UCK2: variants seen among roughly 807,000 people sequenced by gnomAD.
UCK2 encodes cytidine monophosphokinase 2.
In UCK2, 6 loss-of-function variants were observed where a neutral mutation model predicts 30.8. The ratio of observed to expected loss-of-function variants is 0.19; its 90% CI spans 0.11 to 0.38. UCK2 has a LOEUF of 0.38. Ranked by LOEUF, UCK2 falls within the 10% of genes least tolerant of loss-of-function variation. The pLI is 1.00. For missense variants in UCK2, 210 were observed against 339.8 expected (o/e 0.62, Z 3.00); for synonymous variants, 125 against 133.6 (o/e 0.94, Z 0.45).
chr1:165,838,431 C>T (rs371014097), intron 1 of UCK2, among the ~76,000 whole-genome samples: 63 of 152,298 alleles, frequency 4.1e-4, no homozygotes, highest in African/African-American at 1.1e-3. Flanking sequence ...ATATCAGTAT[C>T]GTTAACCACC....
At chr1:165,905,476 G>C (rs1056571815) in intron 5 of UCK2, among the ~76,000 whole-genome samples, 1 of 151,510 alleles carries the variant, frequency 6.6e-6, no homozygotes, top group Non-Finnish European at 1.5e-5. Flanking sequence ...AGAGTGAGAC[G>C]CTGTCTTAAA....
intron 1 of UCK2, among the ~76,000 whole-genome samples, chr1:165,839,085 A>C (rs1389125336): frequency 6.6e-6 from 1 of 152,156 alleles, no homozygotes; most frequent in Non-Finnish European, 1.5e-5. Flanking sequence ...AGTGACTTTA[A>C]CTTAAACTTT....
intron 1 of UCK2, among the ~76,000 whole-genome samples, chr1:165,828,736 C>A (rs1164004931): frequency 6.6e-6 from 1 of 152,138 alleles, no homozygotes; most frequent in Non-Finnish European, 1.5e-5. Flanking sequence ...ATCCGCAAGG[C>A]AAGGAGAGAC....
chr1:165,854,299 G>A (rs568314448), intron 1 of UCK2, among the ~76,000 whole-genome samples: 11 of 152,318 alleles, frequency 7.2e-5, no homozygotes, highest in African/African-American at 2.2e-4. Context: ...GCTGCTGGAC[G>A]TATGTGTGGT....
chr1:165,862,725 C>T (rs1429250253), intron 1 of UCK2, among the ~76,000 whole-genome samples: 2 of 152,062 alleles, frequency 1.3e-5, no homozygotes, highest in East Asian at 1.9e-4. Flanking sequence ...ATGTTGTTGC[C>T]GAGGGACCTT....
intron 5 of UCK2, among the ~76,000 whole-genome samples, chr1:165,903,632 C>A (rs1185794036): frequency 6.6e-6 from 1 of 152,204 alleles, no homozygotes; most frequent in Non-Finnish European, 1.5e-5. Flanking sequence ...CCATTTGGAT[C>A]TCTGAAGGGT....
chr1:165,838,690 G>C (rs1400435937), intron 1 of UCK2, among the ~76,000 whole-genome samples: 2 of 151,926 alleles, frequency 1.3e-5, no homozygotes, highest in Non-Finnish European at 2.9e-5. Flanking sequence ...CACATTGTCA[G>C]TCACTGAGCT....
At chr1:165,830,482 G>A (rs61802906) in intron 1 of UCK2, among the ~76,000 whole-genome samples, 3 of 151,250 alleles carry the variant, frequency 2.0e-5, no homozygotes, top group Non-Finnish European at 2.9e-5. Context: ...CCGCCACCAC[G>A]CCTGGCCAAT....
At chr1:165,892,424 T>G (rs1010151614) in intron 3 of UCK2, among the ~76,000 whole-genome samples, 2 of 152,154 alleles carry the variant, frequency 1.3e-5, no homozygotes, top group Non-Finnish European at 2.9e-5. Flanking sequence ...CTGGGGTTCA[T>G]GGAAAAGTCC....
At chr1:165,898,900 G>C (rs1647367055) in intron 4 of UCK2, among the ~76,000 whole-genome samples, 1 of 152,162 alleles carries the variant, frequency 6.6e-6, no homozygotes, top group South Asian at 2.1e-4. Flanking sequence ...AACTTCACAT[G>C]TCACCTACTG....
At chr1:165,866,095 A>T (rs200316010) in intron 1 of UCK2, among the ~76,000 whole-genome samples, 1 of 152,124 alleles carries the variant, frequency 6.6e-6, no homozygotes, top group East Asian at 1.9e-4. Flanking sequence ...CAGTATTTTA[A>T]GTCTTCCTGG....
At chr1:165,899,486 T>C (rs995068531) in intron 4 of UCK2, among the ~76,000 whole-genome samples, 3 of 152,246 alleles carry the variant, frequency 2.0e-5, no homozygotes, top group East Asian at 1.9e-4. Flanking sequence ...TTTAAAGTGA[T>C]TGACTTCACC....
chr1:165,906,739 A>G (rs1647675697), intron 6 of UCK2, among the ~76,000 whole-genome samples: 1 of 152,242 alleles, frequency 6.6e-6, no homozygotes, highest in Non-Finnish European at 1.5e-5. Flanking sequence ...AGTGTGGCAG[A>G]GTTGATCTGT....
intron 1 of UCK2, among the ~76,000 whole-genome samples, chr1:165,866,613 A>G (rs1444686615): frequency 1.3e-5 from 2 of 152,162 alleles, no homozygotes; most frequent in African/African-American, 2.4e-5. Context: ...ACCACCATTT[A>G]TTTCCCAAGC....
At chr1:165,861,269 G>A (rs2101864835) in intron 1 of UCK2, among the ~76,000 whole-genome samples, 1 of 152,202 alleles carries the variant, frequency 6.6e-6, no homozygotes, top group Non-Finnish European at 1.5e-5. Flanking sequence ...TTCAACACAG[G>A]CATTTTAGGG....
intron 1 of UCK2, among the ~76,000 whole-genome samples, chr1:165,879,654 T>C (rs567455305): frequency 3.3e-5 from 5 of 151,972 alleles, no homozygotes; most frequent in Non-Finnish European, 5.9e-5. Context: ...TAACGTGGTC[T>C]ATGTGGCTTT....
chr1:165,900,665 G>C (rs1557849775), intron 4 of UCK2: 2 of 152,364 alleles, frequency 1.3e-5, no homozygotes, highest in Admixed American at 6.5e-5. Flanking sequence ...GCTGAGGGCA[G>C]TTAGGAGGAC....
intron 6 of UCK2, among the ~76,000 whole-genome samples, chr1:165,907,243 A>G (rs1319817559): frequency 6.6e-6 from 1 of 152,198 alleles, no homozygotes; most frequent in African/African-American, 2.4e-5. Context: ...TCTCTGCATT[A>G]TATTTTTTGG....
At chr1:165,842,873 G>C (rs573910956) in intron 1 of UCK2, among the ~76,000 whole-genome samples, 2 of 152,058 alleles carry the variant, frequency 1.3e-5, no homozygotes, top group African/African-American at 2.4e-5. Flanking sequence ...TTGCCTTATC[G>C]GTCCTCCCCA....
Sources: allele counts gnomAD v4.1 joint callset (sites outside exome capture counted in the v4.1 genomes callset), GRCh38; gene constraint gnomAD v4.1.1; transcripts MANE v1.5; gene names NCBI Gene and HGNC (gene_info 2026-07-23, HGNC 2026-07-21).